PPARGC1A: variants seen among roughly 807,000 people sequenced by gnomAD.
PPARGC1A encodes the protein PPARG coactivator 1 alpha, also known as peroxisome proliferator-activated receptor gamma coactivator 1-alpha.
PPARGC1A carries 25 observed loss-of-function variants against 88.7 expected under a neutral mutation model. The ratio of observed to expected loss-of-function variants is 0.28; its 90% confidence interval spans 0.21 to 0.39. The LOEUF (loss-of-function observed/expected upper bound fraction) is 0.39. Ranked by LOEUF, PPARGC1A falls within the 10% of genes least tolerant of loss-of-function variation. The pLI, the probability that PPARGC1A is intolerant of heterozygous loss-of-function variation, is 1.00. For missense variants in PPARGC1A, 880 were observed against 968.7 expected (o/e 0.91, Z 1.22); for synonymous variants, 363 against 355.6 (o/e 1.02, Z -0.24).
the PPARGC1A span, among the ~76,000 whole-genome samples, chr4:23,955,477 T>C: frequency 1.3e-5 from 2 of 152,088 alleles, no homozygotes; most frequent in Non-Finnish European, 2.9e-5. Flanking sequence ...GCCTAACTAC[T>C]GATGTAAAGG....
intron 10 of PPARGC1A, 138 bp from the exon 11 acceptor site, chr4:23,802,483 G>C (rs1237011789): frequency 5.6e-6 from 6 of 1,070,714 alleles, no homozygotes; most frequent in Non-Finnish European, 8.0e-6. Context: ...TTCAATACCA[G>C]CCTGGGCAAG....
chr4:24,309,005 A>G, the PPARGC1A span, among the ~76,000 whole-genome samples: 1 of 152,302 alleles, frequency 6.6e-6, no homozygotes, highest in African/African-American at 2.4e-5. Flanking sequence ...TAAGGAGTTC[A>G]TACATTAAAG....
chr4:24,157,028 A>G, the PPARGC1A span, among the ~76,000 whole-genome samples: 2 of 152,164 alleles, frequency 1.3e-5, no homozygotes, highest in Admixed American at 6.5e-5. Flanking sequence ...AATTTATTCA[A>G]GGATACCACA....
At chr4:24,279,752 G>A in the PPARGC1A span, among the ~76,000 whole-genome samples, 4 of 152,202 alleles carry the variant, frequency 2.6e-5, no homozygotes, top group South Asian at 8.3e-4. Flanking sequence ...GCTCTCGGCT[G>A]GCATGGGGCA....
intron 7 of PPARGC1A, among the ~76,000 whole-genome samples, chr4:23,816,073 G>A (rs1577377830): frequency 6.6e-6 from 1 of 152,138 alleles, no homozygotes; most frequent in African/African-American, 2.4e-5. Flanking sequence ...CCAATATTTG[G>A]CAATTTTTAT....
chr4:24,030,146 C>T, the PPARGC1A span, among the ~76,000 whole-genome samples: 4 of 152,208 alleles, frequency 2.6e-5, no homozygotes, highest in African/African-American at 9.6e-5. Context: ...GAATTAACTG[C>T]TACACAATGG....
chr4:24,098,465 A>C, the PPARGC1A span, among the ~76,000 whole-genome samples: 1 of 152,240 alleles, frequency 6.6e-6, no homozygotes. Flanking sequence ...GGAATAAGAA[A>C]GCTTCTATTA....
At chr4:23,936,819 G>A in the PPARGC1A span, among the ~76,000 whole-genome samples, 1 of 152,046 alleles carries the variant, frequency 6.6e-6, no homozygotes, top group African/African-American at 2.4e-5. Flanking sequence ...GCAGTGAGTC[G>A]AGATCGCACG....
chr4:24,135,971 G>A, the PPARGC1A span, among the ~76,000 whole-genome samples: 90 of 152,266 alleles, frequency 5.9e-4, no homozygotes, highest in African/African-American at 1.8e-3. Context: ...TTAATGACTC[G>A]ATCCAGGAGG....
the PPARGC1A span, among the ~76,000 whole-genome samples, chr4:24,306,350 G>C: frequency 1.3e-5 from 2 of 152,128 alleles, no homozygotes; most frequent in East Asian, 3.8e-4. Context: ...AAACAGTTCA[G>C]TACTCTGGGT....
At chr4:24,305,551 GC>G in the PPARGC1A span, among the ~76,000 whole-genome samples, 2 of 152,182 alleles carry the variant, frequency 1.3e-5, no homozygotes, top group Non-Finnish European at 2.9e-5. Flanking sequence ...AGTGGCTCAT[GC>G]CTGTAATCCC....
At chr4:24,151,085 C>CTCTAAAT in the PPARGC1A span, among the ~76,000 whole-genome samples, 1 of 152,296 alleles carries the variant, frequency 6.6e-6, no homozygotes, top group Non-Finnish European at 1.5e-5. Context: ...ACATCGTTGC[C>CTCTAAAT]TCTAAATTCT....
the PPARGC1A span, among the ~76,000 whole-genome samples, chr4:24,189,677 T>C: frequency 2.6e-5 from 4 of 152,184 alleles, no homozygotes; most frequent in Non-Finnish European, 1.5e-5. Context: ...AATTTGTTCA[T>C]GTGGTGGGAA....
chr4:24,082,759 C>G, the PPARGC1A span, among the ~76,000 whole-genome samples: 12,969 of 151,998 alleles, frequency 0.085, 634 homozygotes, highest in East Asian at 0.17. Context: ...TAAGTTGTGA[C>G]CTATGAAAAT....
chr4:23,921,223 T>C, the PPARGC1A span, among the ~76,000 whole-genome samples: 47 of 152,288 alleles, frequency 3.1e-4, no homozygotes, highest in African/African-American at 7.7e-4. Context: ...CTTTGTACCC[T>C]GGGAAAACAG....
At chr4:24,143,988 G>A in the PPARGC1A span, among the ~76,000 whole-genome samples, 1 of 152,200 alleles carries the variant, frequency 6.6e-6, no homozygotes, top group Admixed American at 6.5e-5. Flanking sequence ...AAGTACATGT[G>A]CTTTTCACTT....
chr4:23,835,466 T>TTGTGTGTGTGTG lies in PPARGC1A; in HGVS notation c.235-3727_235-3716dup, dbSNP rs145407468. On this transcript the variant is annotated intron_variant, in intron 2 of 12. Coordinates refer to ENST00000264867, the MANE Select transcript of PPARGC1A (RefSeq NM_013261.5). Reference sequence around the variant, plus strand: ...TAAGATGGGAGATTAGCATGGCGGCTTGTGTGTGTGTGTGTGTGTGTGTGT... The same window carrying TTGTGTGTGTGTG: ...TAAGATGGGAGATTAGCATGGCGGCTTGTGTGTGTGTGTGTGTGTGTGTGTGTGTGTGTGTGT... Among the ~76,000 whole-genome samples the TTGTGTGTGTGTG allele has an allele frequency of 3.6e-3, 482 of 135,354 alleles. 3 individuals are homozygous for TTGTGTGTGTGTG. Among genetic ancestry groups the TTGTGTGTGTGTG allele is most frequent in the Middle Eastern group, 0.015 (4 of 264 alleles). 88.8% of individuals were successfully genotyped at this position (135,354 alleles called of 152,430 possible).
intron 10 of PPARGC1A, among the ~76,000 whole-genome samples, chr4:23,809,189 C>A (rs987306036): frequency 5.3e-5 from 8 of 152,042 alleles, no homozygotes; most frequent in Non-Finnish European, 8.8e-5. Context: ...CTAATTTTTT[C>A]AAATCAGTTA....
At chr4:24,414,628 T>C in the PPARGC1A span, among the ~76,000 whole-genome samples, 1 of 152,184 alleles carries the variant, frequency 6.6e-6, no homozygotes, top group Admixed American at 6.5e-5. Context: ...GACATTCTGA[T>C]TTAATTTGTT....
Sources: allele counts gnomAD v4.1 joint callset (sites outside exome capture counted in the v4.1 genomes callset), GRCh38; gene constraint gnomAD v4.1.1; transcripts MANE v1.5; gene names NCBI Gene and HGNC (gene_info 2026-07-23, HGNC 2026-07-21).